ASPRV1: variants seen among roughly 807,000 people sequenced by gnomAD.
ASPRV1 encodes aspartic peptidase retroviral like 1, also known as retroviral-like aspartic protease 1.
A neutral mutation model predicts 11.0 loss-of-function variants in ASPRV1; 7 were observed. The ratio of observed to expected loss-of-function variants is 0.64; its 90% CI spans 0.36 to 1.20. The LOEUF (loss-of-function observed/expected upper bound fraction) is 1.20, where lower values mean the gene tolerates loss of function less well. ASPRV1 is among the 50% of genes most tolerant of loss of function. ASPRV1 has a pLI of 0.02. For missense variants in ASPRV1, 299 were observed against 320.0 expected (o/e 0.93, Z 0.50); for synonymous variants, 136 against 138.4 (o/e 0.98, Z 0.12).
the ASPRV1 span, among the ~76,000 whole-genome samples, chr2:70,000,870 G>C: frequency 6.8e-6 from 1 of 146,110 alleles, no homozygotes; most frequent in South Asian, 2.2e-4. Context: ...TAATTCATCA[G>C]AAAGAATTAC....
chr2:70,085,190 C>A, the ASPRV1 span, among the ~76,000 whole-genome samples: 70 of 152,238 alleles, frequency 4.6e-4, no homozygotes, highest in Non-Finnish European at 3.8e-4. Context: ...CCATGGGGAG[C>A]TGACGGAAGC....
chr2:70,023,080 G>C, the ASPRV1 span, among the ~76,000 whole-genome samples: 2 of 152,166 alleles, frequency 1.3e-5, no homozygotes, highest in South Asian at 2.1e-4. Context: ...CAATGAGCTA[G>C]AAAGAGAATA....
the ASPRV1 span, among the ~76,000 whole-genome samples, chr2:69,995,602 G>T: frequency 6.6e-6 from 1 of 152,148 alleles, no homozygotes; most frequent in African/African-American, 2.4e-5. Flanking sequence ...AATTTGTTCA[G>T]GGCCCTAGAA....
At chr2:70,087,256 C>A in the ASPRV1 span, 4 of 152,290 alleles carry the variant, frequency 2.6e-5, no homozygotes, top group African/African-American at 9.6e-5. Context: ...AATACGTCAT[C>A]ATTTTAAAAC....
chr2:70,084,520 T>TA, the ASPRV1 span, among the ~76,000 whole-genome samples: 1 of 152,218 alleles, frequency 6.6e-6, no homozygotes, highest in Non-Finnish European at 1.5e-5. Context: ...TGTACCTCTG[T>TA]AAAACTGACC....
chr2:70,047,620 T>G, the ASPRV1 span, among the ~76,000 whole-genome samples: 2 of 152,146 alleles, frequency 1.3e-5, no homozygotes. Context: ...TCCCCCGACA[T>G]AGTCACTACA....
the ASPRV1 span, among the ~76,000 whole-genome samples, chr2:70,041,163 T>C: frequency 6.6e-6 from 1 of 152,222 alleles, no homozygotes; most frequent in African/African-American, 2.4e-5. Context: ...AGTTTATGAT[T>C]AGCTAAGCCA....
At chr2:69,948,902 C>T in the ASPRV1 span, among the ~76,000 whole-genome samples, 1 of 152,056 alleles carries the variant, frequency 6.6e-6, no homozygotes, top group East Asian at 1.9e-4. Context: ...CCTCTCCTCA[C>T]TCTTCCCTGG....
At chr2:69,966,198 C>T (rs972893674), upstream of ASPRV1, among the ~76,000 whole-genome samples, 2 of 152,214 alleles carry the variant, frequency 1.3e-5, no homozygotes, top group African/African-American at 2.4e-5. Context: ...CTGACTAACT[C>T]CTAGAAGTCC....
downstream of ASPRV1, chr2:69,960,067 C>A (rs989996398): frequency 2.0e-5 from 3 of 152,888 alleles, no homozygotes; most frequent in African/African-American, 7.2e-5. Flanking sequence ...TTCCTCTCAT[C>A]CTCAATCAAC....
the ASPRV1 span, among the ~76,000 whole-genome samples, chr2:70,078,027 C>A: frequency 6.6e-6 from 1 of 151,734 alleles, no homozygotes; most frequent in Non-Finnish European, 1.5e-5. Flanking sequence ...ATTAGCCAGG[C>A]GTGGTGGCAC....
chr2:70,024,988 T>C, the ASPRV1 span, among the ~76,000 whole-genome samples: 6 of 152,242 alleles, frequency 3.9e-5, no homozygotes, highest in African/African-American at 1.2e-4. Context: ...CTTTTGAACC[T>C]TGCACTGTCT....
chr2:69,986,699 C>T, the ASPRV1 span, among the ~76,000 whole-genome samples: 2 of 152,146 alleles, frequency 1.3e-5, no homozygotes, highest in African/African-American at 4.8e-5. Context: ...CATGAGACCC[C>T]TTTCTAGGGG....
the ASPRV1 span, among the ~76,000 whole-genome samples, chr2:70,038,248 C>T: frequency 3.9e-5 from 6 of 152,138 alleles, no homozygotes; most frequent in Non-Finnish European, 7.4e-5. Context: ...CTTTGTGTAG[C>T]TAAAGAAATG....
At chr2:70,063,062 T>C in the ASPRV1 span, among the ~76,000 whole-genome samples, 1 of 152,256 alleles carries the variant, frequency 6.6e-6, no homozygotes, top group East Asian at 1.9e-4. Flanking sequence ...TCTGTGCACA[T>C]AACCACTCCA....
At chr2:70,071,238 T>C in the ASPRV1 span, among the ~76,000 whole-genome samples, 2 of 152,122 alleles carry the variant, frequency 1.3e-5, no homozygotes, top group Non-Finnish European at 2.9e-5. Flanking sequence ...AACTAAATAA[T>C]CCTAAGTGAA....
the ASPRV1 span, among the ~76,000 whole-genome samples, chr2:70,071,114 T>G: frequency 2.0e-5 from 3 of 152,208 alleles, no homozygotes; most frequent in Non-Finnish European, 4.4e-5. Flanking sequence ...CCTGACCTCC[T>G]AATGATTACA....
chr2:70,006,007 A>G, the ASPRV1 span, among the ~76,000 whole-genome samples: 1 of 152,204 alleles, frequency 6.6e-6, no homozygotes, highest in East Asian at 1.9e-4. Flanking sequence ...TGAGCTGGAT[A>G]ATTCTTTGTG....
chr2:70,071,441 G>A, the ASPRV1 span, among the ~76,000 whole-genome samples: 3,928 of 152,164 alleles, frequency 0.026, 189 homozygotes, highest in African/African-American at 0.09. Flanking sequence ...TATAGTTCCG[G>A]GGTACTGGTC....
Sources: gnomAD v4.1 joint callset for allele counts (sites outside exome capture counted in the v4.1 genomes callset) on GRCh38, gnomAD v4.1.1 for gene constraint, MANE v1.5 for transcripts, NCBI Gene and HGNC (gene_info 2026-07-23, HGNC 2026-07-21) for gene names.